FOXP1: variants seen among roughly 807,000 people sequenced by gnomAD.
The protein encoded by FOXP1 is forkhead box P1, also known as forkhead box protein P1.
A neutral mutation model predicts 98.2 loss-of-function variants in FOXP1; 15 were observed. That is an observed-to-expected ratio of 0.15 (90% confidence interval 0.10 to 0.24). FOXP1 has a LOEUF of 0.24. Among genes scored for constraint, FOXP1 ranks in the 10% least tolerant of loss-of-function variants. The probability of loss-of-function intolerance (pLI) is 1.00; values close to 1 mark genes in which losing one functional copy is unlikely to be tolerated. For missense variants in FOXP1, 633 were observed against 848.5 expected (o/e 0.75, Z 3.15); for synonymous variants, 371 against 314.5 (o/e 1.18, Z -1.90).
At chr3:71,230,478 G>A (rs746600971) in intron 5 of FOXP1, among the ~76,000 whole-genome samples, 1 of 152,206 alleles carries the variant, frequency 6.6e-6, no homozygotes. Context: ...CAAAGGAACA[G>A]GAGGGGGTTA....
intron 3 of FOXP1, among the ~76,000 whole-genome samples, chr3:71,380,698 A>ATTTTTTTTTTTTTTT (rs11395817): frequency 1.0e-5 from 1 of 100,264 alleles, no homozygotes; most frequent in African/African-American, 3.9e-5. Context: ...CTTTTTAGAC[A>ATTTTTTTTTTTTTTT]TTTTTTTTTT....
At chr3:71,197,080 C>T (rs764285175) in intron 6 of FOXP1, among the ~76,000 whole-genome samples, 2 of 152,168 alleles carry the variant, frequency 1.3e-5, no homozygotes, top group Non-Finnish European at 2.9e-5. Context: ...TGCTTTATAG[C>T]TTGTCTCCAA....
rs182403546 is a variant in FOXP1 at position 71,184,660 on chromosome 3, T to C, written c.180+13542A>G. Among the ~76,000 whole-genome samples the C allele has an allele frequency of 1.1e-3, 160 of 152,152 alleles. 1 individual carries two copies. Among genetic ancestry groups the C allele is most frequent in the Admixed American group, 2.0e-3 (31 of 15,278 alleles). On this transcript the variant is annotated intron_variant, in intron 6 of 20. Coordinates refer to ENST00000649528, the MANE Select transcript of FOXP1 (RefSeq NM_001349338.3). ...ATTAAAGATAGACAGGTCACTAACA[T>C]AGTTAACATCAACTAATCATAGAAA...
intron 11 of FOXP1, among the ~76,000 whole-genome samples, chr3:71,038,830 AT>A (rs1212230105): frequency 1.3e-5 from 2 of 152,028 alleles, no homozygotes; most frequent in Non-Finnish European, 2.9e-5. Context: ...TGGCAGGCTA[AT>A]TAAAAAAAAG....
chr3:71,476,758 C>T (rs1454388826), intron 3 of FOXP1, among the ~76,000 whole-genome samples: 1 of 151,714 alleles, frequency 6.6e-6, no homozygotes, highest in Non-Finnish European at 1.5e-5. Context: ...CCCACCTTGG[C>T]CTCCCAAAGT....
At chr3:71,015,792 A>C in intron 11 of FOXP1, 139 bp from the exon 12 acceptor site, 1 of 624,968 alleles carries the variant, frequency 1.6e-6, no homozygotes, top group Non-Finnish European at 2.9e-6. Flanking sequence ...CATCCCATGT[A>C]ATTGACTAAT....
At chr3:71,157,996 G>T (rs1266100152) in intron 6 of FOXP1, among the ~76,000 whole-genome samples, 1 of 151,606 alleles carries the variant, frequency 6.6e-6, no homozygotes, top group Non-Finnish European at 1.5e-5. Flanking sequence ...GCTGAGGCGG[G>T]AGGATCGCTT....
At chr3:71,396,707 ATGTTT>A (rs150329831) in intron 3 of FOXP1, among the ~76,000 whole-genome samples, 1 of 151,220 alleles carries the variant, frequency 6.6e-6, no homozygotes, top group African/African-American at 2.4e-5. Flanking sequence ...ATTTTAAAAA[ATGTTT>A]AAGAAGACAG....
intron 2 of FOXP1, among the ~76,000 whole-genome samples, chr3:71,568,265 AC>A (rs2047069071): frequency 6.6e-6 from 1 of 152,106 alleles, no homozygotes; most frequent in Non-Finnish European, 1.5e-5. Flanking sequence ...AGGAATTTGA[AC>A]CCAATTTGAT....
At chr3:71,582,302 C>CG in intron 1 of FOXP1, 1 of 971,028 alleles carries the variant, frequency 1.0e-6, no homozygotes, top group South Asian at 4.8e-5. Context: ...AGGCGGGAGG[C>CG]GGGGGCGAGG....
At chr3:70,976,181 C>A (rs1332803570) in intron 17 of FOXP1, among the ~76,000 whole-genome samples, 2 of 150,890 alleles carry the variant, frequency 1.3e-5, no homozygotes, top group African/African-American at 4.9e-5. Flanking sequence ...TCTGGAGTAG[C>A]TGTTGACCAC....
chr3:71,176,743 CAAAAAAAAAAAAAAAAA>C (rs573639526), intron 6 of FOXP1, among the ~76,000 whole-genome samples: 3 of 75,518 alleles, frequency 4.0e-5, no homozygotes, highest in East Asian at 6.3e-4. Flanking sequence ...GAGGCTATCT[CAAAAAAAAAAAAAAAAA>C]AAAAAAAAAA....
intron 3 of FOXP1, among the ~76,000 whole-genome samples, chr3:71,368,045 C>T (rs2079041102): frequency 6.6e-6 from 1 of 152,180 alleles, no homozygotes. Flanking sequence ...TACAGCTGGA[C>T]CCTCGACAAA....
At chr3:71,237,207 G>C (rs372688786) in intron 5 of FOXP1, among the ~76,000 whole-genome samples, 1 of 113,168 alleles carries the variant, frequency 8.8e-6, no homozygotes, top group African/African-American at 3.5e-5. Context: ...ACTCCAGCCT[G>C]GGCGACAGAG....
At chr3:71,060,320 C>T (rs1424805142) in intron 7 of FOXP1, among the ~76,000 whole-genome samples, 1 of 152,096 alleles carries the variant, frequency 6.6e-6, no homozygotes, top group Non-Finnish European at 1.5e-5. Context: ...CCTTATACAT[C>T]ACAGTTAAGC....
At chr3:71,342,375 AT>A (rs2077057623) in intron 4 of FOXP1, among the ~76,000 whole-genome samples, 1 of 152,204 alleles carries the variant, frequency 6.6e-6, no homozygotes, top group African/African-American at 2.4e-5. Context: ...AATCTGGATT[AT>A]AAAAGCAAAC....
At chr3:71,548,743 C>A (rs902573030) in intron 2 of FOXP1, among the ~76,000 whole-genome samples, 1 of 151,736 alleles carries the variant, frequency 6.6e-6, no homozygotes, top group Non-Finnish European at 1.5e-5. Context: ...CCCCAGCCCC[C>A]TGAAACCAGA....
At chr3:71,078,024 G>T (rs1004847052) in intron 7 of FOXP1, among the ~76,000 whole-genome samples, 2 of 152,080 alleles carry the variant, frequency 1.3e-5, no homozygotes, top group African/African-American at 4.8e-5. Context: ...TAGAGACAGG[G>T]TTTCTCCATG....
rs1264964685 is a variant in FOXP1 at position 70,957,403 on chromosome 3, G to C, written c.*1844C>G. The C allele has an allele frequency of 4.4e-6, 1 of 229,600 alleles. No individual in the cohort carries two copies. The highest frequency in any genetic ancestry group is 2.2e-5 in the African/African-American group (1 of 45,154). The allele number at this position is 229,600 out of a possible 1,614,324, so 14.2% of individuals were successfully genotyped here. A position where few individuals can be genotyped will look rare whatever the true frequency, so the allele number is the denominator to read the frequency against. ...CTCAGGTTGCAATAGCCTATCGCTTGTCATTTGCCTCTAAATTCTTTTGCC... is the reference window on the plus strand; with the variant it reads ...CTCAGGTTGCAATAGCCTATCGCTTCTCATTTGCCTCTAAATTCTTTTGCC... On this transcript the variant is annotated 3_prime_UTR_variant, in exon 21 of 21. Coordinates refer to ENST00000649528, the MANE Select transcript of FOXP1 (RefSeq NM_001349338.3).
Sources: gnomAD v4.1 joint callset for allele counts (sites outside exome capture counted in the v4.1 genomes callset) on GRCh38, gnomAD v4.1.1 for gene constraint, MANE v1.5 for transcripts, NCBI Gene and HGNC (gene_info 2026-07-23, HGNC 2026-07-21) for gene names.